The following FAM78B variants were observed in gnomAD, a reference collection of about 807,000 sequenced individuals.
FAM78B encodes the protein family with sequence similarity 78 member B.
Under a neutral mutation model 20.0 loss-of-function variants are expected in FAM78B, and 10 were observed. That is an observed-to-expected ratio of 0.50 (90% CI 0.31 to 0.85). FAM78B has a LOEUF of 0.85. Among genes scored for constraint, FAM78B ranks in the 40% least tolerant of loss-of-function variants. The pLI is 0.05. For synonymous variants in FAM78B, 135 were observed against 132.8 expected, an observed-to-expected ratio of 1.02 and a Z score of -0.12; for missense variants, 283 against 345.0, an observed-to-expected ratio of 0.82 and a Z score of 1.42.
intron 1 of FAM78B, among the ~76,000 whole-genome samples, chr1:166,140,065 G>C (rs953257065): frequency 1.2e-4 from 19 of 152,228 alleles, no homozygotes; most frequent in Admixed American, 9.8e-4. Flanking sequence ...GCAGGAACGA[G>C]CTTAGAGCAC....
chr1:166,114,357 C>T (rs1446483781), intron 1 of FAM78B, among the ~76,000 whole-genome samples: 2 of 152,200 alleles, frequency 1.3e-5, no homozygotes, highest in African/African-American at 4.8e-5. Context: ...CTGGTTCATT[C>T]ATTCATTCAT....
At chr1:166,110,458 G>T (rs1459135467) in intron 1 of FAM78B, among the ~76,000 whole-genome samples, 1 of 152,048 alleles carries the variant, frequency 6.6e-6, no homozygotes, top group East Asian at 1.9e-4. Context: ...TATTATTATT[G>T]TTCTTTTTCC....
At chr1:166,153,265 A>T (rs1655754557) in intron 1 of FAM78B, among the ~76,000 whole-genome samples, 2 of 152,154 alleles carry the variant, frequency 1.3e-5, no homozygotes, top group Admixed American at 6.5e-5. Context: ...GAGGGGGAGC[A>T]CAAGTCAGGG....
intron 1 of FAM78B, among the ~76,000 whole-genome samples, chr1:166,137,160 T>A (rs1655097749): frequency 6.6e-6 from 1 of 152,200 alleles, no homozygotes; most frequent in Non-Finnish European, 1.5e-5. Flanking sequence ...GGAAAAAAAC[T>A]TGGAGAGCTA....
intron 1 of FAM78B, among the ~76,000 whole-genome samples, chr1:166,143,915 G>A (rs1351534245): frequency 6.6e-6 from 1 of 152,182 alleles, no homozygotes; most frequent in Non-Finnish European, 1.5e-5. Context: ...TGAGGGTTGG[G>A]GGCAGGATGG....
At chr1:166,074,285 TTCC>T (rs1301039704) in intron 1 of FAM78B, among the ~76,000 whole-genome samples, 1 of 152,182 alleles carries the variant, frequency 6.6e-6, no homozygotes, top group African/African-American at 2.4e-5. Context: ...GCCTATGCTG[TTCC>T]TCCTCCTATT....
At position 166,084,235 on chromosome 1, in the gene FAM78B, ACACTCTCT is replaced by A. The variant is rs1266306416; in HGVS notation, c.264-13480_264-13473del. Among the ~76,000 whole-genome samples the A allele has an allele frequency of 2.6e-4, 31 of 120,054 alleles. No individual in the cohort carries two copies. The East Asian group carries it at 3.2e-3, about 12-fold the overall frequency. The allele number at this position is 120,054 out of a possible 152,430, so 78.8% of individuals were successfully genotyped here. A position where few individuals can be genotyped will look rare whatever the true frequency, so the allele number is the denominator to read the frequency against. ...CACACACACACACACACACACACAC[ACACTCTCT>A]CTCTCTCTCTCTCTCTCTCTCTTTC... is the stretch of plus-strand genomic sequence containing the variant. On this transcript the variant is annotated intron_variant, in intron 1 of 1. Transcript: ENST00000354422.
intron 1 of FAM78B, among the ~76,000 whole-genome samples, chr1:166,138,571 T>G (rs1195967004): frequency 6.6e-6 from 1 of 152,174 alleles, no homozygotes; most frequent in African/African-American, 2.4e-5. Flanking sequence ...TTCGCTAGCC[T>G]TAGATTCATG....
In FAM78B at chr1:166,069,657, T is replaced by C. The variant is rs1651937598; in HGVS notation, c.*584A>G. 2.0e-5 allele frequency: 3 copies of C among 152,246 alleles called. No individual in the cohort carries two copies. Among genetic ancestry groups the C allele is most frequent in the Admixed American group, 2.0e-4 (3 of 15,282 alleles). 9.4% of individuals were successfully genotyped at this position (152,246 alleles called of 1,614,324 possible). ...TCAGAAAGGAGCAAATATCAGTATT[T>C]GTCTAGTTTTCTAAGCATTCATTCC... On this transcript the variant is annotated 3_prime_UTR_variant, in exon 2 of 2. Coordinates refer to ENST00000354422, the MANE Select transcript of FAM78B (RefSeq NM_001017961.5).
At position 166,059,541 on chromosome 1, in the gene FAM78B, C is replaced by A. The variant is rs1270976088; in HGVS notation, c.*1532G>T. 3.3e-5 allele frequency: 5 copies of A among 152,340 alleles called. No homozygotes were observed. In the East Asian group the frequency reaches 7.7e-4, roughly 23 times the overall value. 9.4% of individuals were successfully genotyped at this position (152,340 alleles called of 1,614,324 possible). A position where few individuals can be genotyped will look rare whatever the true frequency, so the allele number is the denominator to read the frequency against. ...AAGCTCCTCAGATGATTCTAACGTG[C>A]ATCTGATGTTAGAATACTACATCAG... On this transcript the variant is annotated 3_prime_UTR_variant and NMD_transcript_variant, in exon 3 of 3. Coordinates refer to the FAM78B transcript ENST00000435676.
intron 1 of FAM78B, among the ~76,000 whole-genome samples, chr1:166,084,988 T>C (rs1455010797): frequency 6.6e-6 from 1 of 152,214 alleles, no homozygotes; most frequent in African/African-American, 2.4e-5. Flanking sequence ...TGCCTGGGCA[T>C]TGACAGAGAA....
At chr1:166,114,424 C>T (rs965438757) in intron 1 of FAM78B, among the ~76,000 whole-genome samples, 10 of 152,220 alleles carry the variant, frequency 6.6e-5, no homozygotes, top group Admixed American at 2.0e-4. Context: ...AGATGTGCCA[C>T]CTTTTGGAAA....
Position 166,123,063 on chromosome 1 carries a change from C to T in FAM78B, c.263+42923G>A, listed in dbSNP as rs191133148. On this transcript the variant is annotated intron_variant, in intron 1 of 1. Transcript: ENST00000354422. The stretch of plus-strand genomic sequence containing the variant: ...AGATAAATACATTTAAAAGAAATTC[C>T]TCAGTGGCAGGGACAGCAGAGCAGC... Among the ~76,000 whole-genome samples the T allele has an allele frequency of 3.1e-3, 468 of 152,340 alleles. 4 individuals are homozygous for T. Among genetic ancestry groups the T allele is most frequent in the African/African-American group, 0.011 (448 of 41,576 alleles).
intron 1 of FAM78B, among the ~76,000 whole-genome samples, chr1:166,079,372 C>T (rs528114600): frequency 1.5e-4 from 23 of 152,284 alleles, no homozygotes; most frequent in African/African-American, 5.5e-4. Context: ...TATTTCCAGC[C>T]CAAATGTCCC....
intron 1 of FAM78B, among the ~76,000 whole-genome samples, chr1:166,084,237 A>ACACACACACACACT (rs771421402): frequency 1.3e-3 from 168 of 125,438 alleles, no homozygotes; most frequent in African/African-American, 3.3e-3. Context: ...ACACACACAC[A>ACACACACACACACT]CTCTCTCTCT....
intron 1 of FAM78B, among the ~76,000 whole-genome samples, chr1:166,079,365 T>C (rs992795198): frequency 6.6e-6 from 1 of 152,184 alleles, no homozygotes; most frequent in African/African-American, 2.4e-5. Flanking sequence ...ATCTCAATAT[T>C]TCCAGCCCAA....
intron 1 of FAM78B, among the ~76,000 whole-genome samples, chr1:166,078,259 G>C (rs1652415804): frequency 6.6e-6 from 1 of 151,918 alleles, no homozygotes; most frequent in South Asian, 2.1e-4. Flanking sequence ...CTCATCTCCT[G>C]ACCTGGTGAT....
In FAM78B at chr1:166,070,212, GA is replaced by G; in HGVS notation, c.*28del. The G allele has an allele frequency of 6.7e-7, 1 of 1,502,614 alleles. No homozygotes were observed. Among genetic ancestry groups the G allele is most frequent in the Non-Finnish European group, 8.9e-7 (1 of 1,124,584 alleles). 93.1% of individuals were successfully genotyped at this position (1,502,614 alleles called of 1,614,324 possible). On this transcript the variant is annotated 3_prime_UTR_variant, in exon 2 of 2. Coordinates refer to ENST00000354422, the MANE Select transcript of FAM78B (RefSeq NM_001017961.5). Reference sequence around the variant, plus strand: ...CTCACTGCATGTCTCAGAGGCGTGTGATCCACACACAGTCAGGCCAGTCTGC... The same window carrying G: ...CTCACTGCATGTCTCAGAGGCGTGTGTCCACACACAGTCAGGCCAGTCTGC...
chr1:166,103,495 A>G (rs1277572626), intron 1 of FAM78B, among the ~76,000 whole-genome samples: 1 of 152,186 alleles, frequency 6.6e-6, no homozygotes, highest in Non-Finnish European at 1.5e-5. Flanking sequence ...AATCAAATAG[A>G]CACAATAAAA....
Sources: allele counts gnomAD v4.1 joint callset (sites outside exome capture counted in the v4.1 genomes callset), GRCh38; gene constraint gnomAD v4.1.1; transcripts MANE v1.5; gene names NCBI Gene and HGNC (gene_info 2026-07-23, HGNC 2026-07-21).